Variants in TKTL2 observed in about 807,000 individuals in gnomAD.
TKTL2 encodes the protein transketolase-like protein 2.
For missense variants in TKTL2, 825 were observed against 799.4 expected, an observed-to-expected ratio of 1.03 and a Z score of -0.39; for synonymous variants, 259 against 294.1, an observed-to-expected ratio of 0.88 and a Z score of 1.22.
rs1031284653 is a variant in TKTL2 at position 163,472,224 on chromosome 4, T to C, written c.1511A>G (p.Asn504Ser). ...GQAKVVRHGV[N>S]DKVTVIGAGV... ...AGCTCCAATTACTGTGACTTTATCA[T>C]TGACACCGTGGCGGACCACCTTGGC... Residue 504 changes from asparagine (N) to serine (S), a missense_variant, in exon 1 of 1, where the codon AAT becomes AGT. Transcript: ENST00000280605. The C allele has an allele frequency of 5.6e-6, 9 of 1,614,100 alleles. No individual in the cohort carries two copies. The highest frequency in any genetic ancestry group is 2.2e-5 in the East Asian group (1 of 44,902).
Position 163,473,667 on chromosome 4 carries a change from A to C in TKTL2, c.68T>G (p.Leu23Arg), listed in dbSNP as rs1241151989. ...VQVLRDTANR[L>R]RIHSIRATCA... ...CGTGGCCCTGATGGAATGGATCCGCAGGCGGTTGGCTGTGTCCCGCAGCAC... is the reference window on the plus strand; with the variant it reads ...CGTGGCCCTGATGGAATGGATCCGCCGGCGGTTGGCTGTGTCCCGCAGCAC... Residue 23 changes from leucine to arginine, a missense_variant, in exon 1 of 1, where the codon CTG (leucine) becomes CGG (arginine). Physicochemically the swap from Leu to Arg is moderately radical, Grantham distance 102. Coordinates refer to ENST00000280605, the MANE Select transcript of TKTL2 (RefSeq NM_032136.5). 1.9e-6 allele frequency: 3 copies of C among 1,614,084 alleles called. No individual in the cohort carries two copies. In the Admixed American group the frequency reaches 5.0e-5, roughly 27 times the overall value.
In TKTL2 at chr4:163,473,644, T is replaced by A; in HGVS notation, c.91A>T (p.Thr31Ser). The change falls in exon 1 of 1, where the codon ACG becomes TCG. Residue 31 changes from threonine to serine, a missense_variant. By Grantham distance (58) the Thr-to-Ser change is moderately conservative. Transcript: ENST00000280605. ...NRLRIHSIRA[T>S]CASGSGQLTS... ...AGCTGGCCAGAACCAGAGGCACACG[T>A]GGCCCTGATGGAATGGATCCGCAGG... 1.9e-6 allele frequency: 3 copies of A among 1,614,208 alleles called. No individual in the cohort carries two copies. The highest frequency in any genetic ancestry group is 2.5e-6 in the Non-Finnish European group (3 of 1,180,038).
Position 163,473,232 on chromosome 4 carries a change from A to G in TKTL2, c.503T>C (p.Phe168Ser). The part of the protein sequence containing the change: ...ESSEGSVWEA[F>S]AFASHYNLDN... ...CAAGTTGTAGTGGGAGGCAAAAGCA[A>G]AAGCCTCCCACACAGAGCCTTCTGA... is the stretch of plus-strand genomic sequence containing the variant. Residue 168 changes from phenylalanine to serine, a missense_variant, in exon 1 of 1, where the codon TTT (phenylalanine) becomes TCT (serine). Transcript: ENST00000280605. 6.2e-7 allele frequency: 1 copy of G among 1,613,922 alleles called. No homozygotes were observed. The highest frequency in any genetic ancestry group is 8.5e-7 in the Non-Finnish European group (1 of 1,179,988).
Position 163,473,711 on chromosome 4 carries a change from G to A in TKTL2, c.24C>T (p.Pro8=). MMANDAK[P]DVKTVQVLRD... Reference sequence around the variant, plus strand: ...GCAGCACCTGCACGGTCTTCACGTCGGGCTTGGCGTCGTTGGCCATCATCT... The same window carrying A: ...GCAGCACCTGCACGGTCTTCACGTCAGGCTTGGCGTCGTTGGCCATCATCT... Residue 8 remains proline, a synonymous_variant, in exon 1 of 1, where the codon CCC becomes CCT. Transcript: ENST00000280605. 6.2e-7 allele frequency: 1 copy of A among 1,606,082 alleles called. No homozygotes were observed. Among genetic ancestry groups the A allele is most frequent in the South Asian group, 1.1e-5 (1 of 90,626 alleles).
chr4:163,471,821 CA>C lies in TKTL2; in HGVS notation c.*32del, dbSNP rs766403360. 6.7e-7 allele frequency: 1 copy of C among 1,488,354 alleles called. No individual in the cohort carries two copies. Among genetic ancestry groups the C allele is most frequent in the Non-Finnish European group, 9.0e-7 (1 of 1,116,380 alleles). The allele number at this position is 1,488,354 out of a possible 1,614,324, so 92.2% of individuals were successfully genotyped here. On this transcript the variant is annotated 3_prime_UTR_variant, in exon 1 of 1. Transcript: ENST00000280605. ...GATACCAGTGCTTTTGGGCCAAAGC[CA>C]ATAGACTTGACTTTTTAGAAATAAG...
rs1211683346 is a variant in TKTL2, at chr4:163,472,192, TAACTCCAGCTCC to T, written c.1531_1542del (p.Gly511_Val514del). 5 of 1,613,954 alleles carry T rather than the reference TAACTCCAGCTCC, an allele frequency of 3.1e-6. No homozygotes were observed. The highest frequency in any genetic ancestry group is 4.2e-6 in the Non-Finnish European group (5 of 1,179,998). On this transcript the variant is annotated inframe_deletion, in exon 1 of 1. Transcript: ENST00000280605. ...GCAGCTTCTAAGGCTTCATGGAGAG[TAACTCCAGCTCC>T]AATTACTGTGACTTTATCATTGACA...
chr4:163,473,001 T>C lies in TKTL2; in HGVS notation c.734A>G (p.Lys245Arg). The C allele has an allele frequency of 6.2e-7, 1 of 1,614,212 alleles. No individual in the cohort carries two copies. Among genetic ancestry groups the C allele is most frequent in the Non-Finnish European group, 8.5e-7 (1 of 1,180,036 alleles). ...TGGAATACCCCGACCTTTGAAGGTCTTGGCAACTATAGCAGTAGGCTTGTT... is the reference window on the plus strand; with the variant it reads ...TGGAATACCCCGACCTTTGAAGGTCCTGGCAACTATAGCAGTAGGCTTGTT... ...VKNKPTAIVA[K>R]TFKGRGIPNI... The change falls in exon 1 of 1, where the codon AAG becomes AGG. Residue 245 changes from lysine to arginine, a missense_variant. Transcript: ENST00000280605.
In TKTL2 at chr4:163,472,247, G is replaced by T. The variant is rs1473892857; in HGVS notation, c.1488C>A (p.Ala496=). ...TPQENFEIGQ[A]KVVRHGVNDK... ...CATTGACACCGTGGCGGACCACCTTGGCCTGGCCAATCTCAAAATTTTCTT... is the reference window on the plus strand; with the variant it reads ...CATTGACACCGTGGCGGACCACCTTTGCCTGGCCAATCTCAAAATTTTCTT... The change falls in exon 1 of 1, where the codon GCC becomes GCA. Residue 496 remains alanine, a synonymous_variant. Transcript: ENST00000280605. The T allele has an allele frequency of 6.2e-7, 1 of 1,612,888 alleles. No homozygotes were observed. The highest frequency in any genetic ancestry group is 2.2e-5 in the East Asian group (1 of 44,878).
In TKTL2 at chr4:163,472,231, C is replaced by G; in HGVS notation, c.1504G>C (p.Gly502Arg). Residue 502 changes from glycine to arginine, a missense_variant, in exon 1 of 1, where the codon GGT (glycine) becomes CGT (arginine). Physicochemically the swap from Gly to Arg is moderately radical, Grantham distance 125. Coordinates refer to ENST00000280605, the MANE Select transcript of TKTL2 (RefSeq NM_032136.5). ...ATTACTGTGACTTTATCATTGACAC[C>G]GTGGCGGACCACCTTGGCCTGGCCA... ...EIGQAKVVRH[G>R]VNDKVTVIGA... The G allele has an allele frequency of 6.2e-7, 1 of 1,614,046 alleles. No individual in the cohort carries two copies. The highest frequency in any genetic ancestry group is 1.3e-5 in the African/African-American group (1 of 75,034).
chr4:163,473,050 A>G lies in TKTL2; in HGVS notation c.685T>C (p.Phe229Leu), dbSNP rs1278221874. The G allele has an allele frequency of 6.2e-7, 1 of 1,614,188 alleles. No homozygotes were observed. Among genetic ancestry groups the G allele is most frequent in the Admixed American group, 1.7e-5 (1 of 60,028 alleles). Residue 229 changes from phenylalanine (F) to leucine (L), a missense_variant, in exon 1 of 1, where the codon TTT becomes CTT. Physicochemically the swap from Phe to Leu is conservative, Grantham distance 22. Coordinates refer to ENST00000280605, the MANE Select transcript of TKTL2 (RefSeq NM_032136.5). ...TTCTTCACTTGACTTGCTTGCCAAA[A>G]TGCTTGGCACAAGGCCTCCACATCA... ...GHDVEALCQA[F>L]WQASQVKNKP...
chr4:163,473,361 G>C lies in TKTL2; in HGVS notation c.374C>G (p.Ser125Cys). 1 of 1,613,956 alleles carries C rather than the reference G, an allele frequency of 6.2e-7. No homozygotes were observed. Among genetic ancestry groups the C allele is most frequent in the East Asian group, 2.2e-5 (1 of 44,852 alleles). The change falls in exon 1 of 1, where the codon TCC (serine) becomes TGC (cysteine). Residue 125 changes from serine to cysteine, a missense_variant. Transcript: ENST00000280605. ...RLPFVDVATG[S>C]LGQGLGTACG... ...TGCAGTACCTAATCCCTGACCTAGG[G>C]ACCCTGTTGCCACGTCAACAAACGG...
chr4:163,473,272 C>G lies in TKTL2; in HGVS notation c.463G>C (p.Gly155Arg), dbSNP rs1319822717. 3.1e-6 allele frequency: 5 copies of G among 1,613,926 alleles called. No individual in the cohort carries two copies. In the African/African-American group the frequency reaches 5.3e-5, roughly 17 times the overall value. ...KASYRVFCLM[G>R]DGESSEGSVW... ...GAGCCTTCTGAGGATTCGCCATCTC[C>G]CATAAGGCAGAACACCCGGTAGCTG... Residue 155 changes from glycine (G) to arginine (R), a missense_variant, in exon 1 of 1, where the codon GGA becomes CGA. Transcript: ENST00000280605.
chr4:163,472,417 T>A lies in TKTL2; in HGVS notation c.1318A>T (p.Met440Leu). 1 of 1,613,128 alleles carries A rather than the reference T, an allele frequency of 6.2e-7. No homozygotes were observed. The highest frequency in any genetic ancestry group is 1.7e-5 in the Admixed American group (1 of 59,904). Residue 440 changes from methionine (M) to leucine (L), a missense_variant, in exon 1 of 1, where the codon ATG becomes TTG. Transcript: ENST00000280605. ...GTACAATTGGGAATGCTTCGGAACA[T>A]GGCTAGATCCTCCAGGGCCATCTGG... The part of the protein sequence containing the change: ...VSQMALEDLA[M>L]FRSIPNCTVF...
At position 163,472,312 on chromosome 4, in the gene TKTL2, G is replaced by C. The variant is rs200182075; in HGVS notation, c.1423C>G (p.Arg475Gly). ...AANTKGMCFI[R>G]TSQPETAVIY... ...ACTGCAGTTTCTGGTTGGCTGGTTC[G>C]AATGAAGCACATTCCCTTGGTATTG... is the stretch of plus-strand genomic sequence containing the variant. The change falls in exon 1 of 1, where the codon CGA becomes GGA. Residue 475 changes from arginine to glycine, a missense_variant. Arg to Gly is a moderately radical substitution (Grantham distance 125). Transcript: ENST00000280605. 1.4e-4 allele frequency: 218 copies of C among 1,605,742 alleles called. No individual in the cohort carries two copies. The highest frequency in any genetic ancestry group is 1.0e-3 in the Admixed American group (59 of 59,190).
chr4:163,471,187 A>G lies in TKTL2; in HGVS notation c.*667T>C, dbSNP rs1292833717. On this transcript the variant is annotated 3_prime_UTR_variant, in exon 1 of 1. Transcript: ENST00000280605. ...AAACTGGTTTGGCCACAAGGAAAAG[A>G]AAAAACATTTCTGAAGCTTCACAAA... The G allele has an allele frequency of 2.0e-5, 3 of 152,222 alleles. No individual in the cohort carries two copies. The highest frequency in any genetic ancestry group is 7.2e-5 in the African/African-American group (3 of 41,450). 9.4% of individuals were successfully genotyped at this position (152,222 alleles called of 1,614,324 possible).
chr4:163,472,485 A>G lies in TKTL2; in HGVS notation c.1250T>C (p.Ile417Thr), dbSNP rs1390394919. ...GAISQANINL[I>T]GSHCGVSTGE... Reference sequence around the variant, plus strand: ...AGTGGATACCCCACAGTGGGAACCAATAAGGTTGATATTGGCTTGAGAAAT... The same window carrying G: ...AGTGGATACCCCACAGTGGGAACCAGTAAGGTTGATATTGGCTTGAGAAAT... Residue 417 changes from isoleucine to threonine, a missense_variant, in exon 1 of 1, where the codon ATT (isoleucine) becomes ACT (threonine). Physicochemically the swap from Ile to Thr is moderately conservative, Grantham distance 89 (BLOSUM62 -1). Transcript: ENST00000280605. 2.5e-6 allele frequency: 4 copies of G among 1,614,090 alleles called. No homozygotes were observed. In the African/African-American group the frequency reaches 4.0e-5, roughly 16 times the overall value.
chr4:163,471,578 TTAGG>T lies in TKTL2; in HGVS notation c.*272_*275del. The T allele has an allele frequency of 4.2e-6, 1 of 237,976 alleles. No individual in the cohort carries two copies. The highest frequency in any genetic ancestry group is 1.4e-3 in the Middle Eastern group (1 of 740). The allele number at this position is 237,976 out of a possible 1,614,324, so 14.7% of individuals were successfully genotyped here. On this transcript the variant is annotated 3_prime_UTR_variant, in exon 1 of 1. Coordinates refer to ENST00000280605, the MANE Select transcript of TKTL2 (RefSeq NM_032136.5). Reference sequence around the variant, plus strand: ...TGTAGTCTTATCAGAAATATTTGTATTAGGTAGTTGTTTTATTTCCTATTCTATT... The same window carrying T: ...TGTAGTCTTATCAGAAATATTTGTATTAGTTGTTTTATTTCCTATTCTATT...
In TKTL2 at chr4:163,472,669, T is replaced by C. The variant is rs1232926263; in HGVS notation, c.1066A>G (p.Arg356Gly). 6.2e-7 allele frequency: 1 copy of C among 1,614,158 alleles called. No individual in the cohort carries two copies. Among genetic ancestry groups the C allele is most frequent in the East Asian group, 2.2e-5 (1 of 44,872 alleles). Reference sequence around the variant, plus strand: ...ATGAAACGCTCAGGGTGTTCTTTCCTGAATATCTCAGAAAAGGTGGAGTTC... The same window carrying C: ...ATGAAACGCTCAGGGTGTTCTTTCCCGAATATCTCAGAAAAGGTGGAGTTC... ...TMNSTFSEIFRKEHPERFIEC... is the reference protein window; with the variant it reads ...TMNSTFSEIFGKEHPERFIEC... Residue 356 changes from arginine to glycine, a missense_variant, in exon 1 of 1, where the codon AGG (arginine) becomes GGG (glycine). Arg to Gly is a moderately radical substitution (Grantham distance 125). Transcript: ENST00000280605.
Position 163,473,592 on chromosome 4 carries a change from AC to A in TKTL2, c.142del (p.Val48SerfsTer10). The A allele has an allele frequency of 6.2e-7, 1 of 1,613,922 alleles. No individual in the cohort carries two copies. Among genetic ancestry groups the A allele is most frequent in the South Asian group, 1.1e-5 (1 of 91,060 alleles). On this transcript the variant is annotated frameshift_variant, in exon 1 of 1. Coordinates refer to ENST00000280605, the MANE Select transcript of TKTL2 (RefSeq NM_032136.5). LOFTEE classifies it low-confidence loss of function (END_TRUNC). ...QLTSCCSAAEVVSVLFFHTMK... is the reference protein window; with the variant it reads ...QLTSCCSAAEXVSVLFFHTMK... ...CGTGTGGAAGAAGAGGACAGACACGACCTCCGCTGCACTGCAGCACGACGTG... is the reference window on the plus strand; with the variant it reads ...CGTGTGGAAGAAGAGGACAGACACGACTCCGCTGCACTGCAGCACGACGTG...
Sources: allele counts gnomAD v4.1 joint callset, GRCh38; gene constraint gnomAD v4.1.1; transcripts MANE v1.5; gene names NCBI Gene and HGNC (gene_info 2026-07-23, HGNC 2026-07-21).